Variants in RPP30 observed in about 807,000 individuals in gnomAD.
The protein encoded by RPP30 is ribonuclease P protein subunit p30.
A neutral mutation model predicts 38.6 loss-of-function variants in RPP30; 36 were observed. The ratio of observed to expected loss-of-function variants is 0.93; its 90% CI spans 0.71 to 1.23. The LOEUF is 1.23. Ranked by LOEUF, RPP30 falls within the 50% of genes most tolerant of loss-of-function variation. The pLI, the probability that RPP30 is intolerant of heterozygous loss-of-function variation, is 0.00. For missense variants in RPP30, 321 were observed against 321.7 expected (o/e 1.00, Z 0.02); for synonymous variants, 126 against 112.7 (o/e 1.12, Z -0.75).
chr10:90,897,031 A>AG (rs1176451876), intron 10 of RPP30, among the ~76,000 whole-genome samples: 1 of 152,176 alleles, frequency 6.6e-6, no homozygotes, highest in Non-Finnish European at 1.5e-5. Context: ...CTAGGATTAC[A>AG]GACATGAGCC....
chr10:90,875,419 T>C (rs1846837977), intron 2 of RPP30, 139 bp from the exon 3 acceptor site: 2 of 657,972 alleles, frequency 3.0e-6, no homozygotes, highest in South Asian at 4.1e-5. Context: ...TTTTAAAAGT[T>C]TTTTTGAATA....
At position 90,894,895 on chromosome 10, in the gene RPP30, T is replaced by C. The variant is rs750228280; in HGVS notation, c.549+4T>C. 3 of 1,578,110 alleles carry C rather than the reference T, an allele frequency of 1.9e-6. No individual in the cohort carries two copies. Among genetic ancestry groups the C allele is most frequent in the Non-Finnish European group, 1.7e-6 (2 of 1,147,486 alleles). On this transcript the variant is annotated splice_donor_region_variant and intron_variant, in intron 7 of 10. Transcript: ENST00000371703. ...GATGCAAATCTGCAAAGGAAAGGTA[T>C]GGTTCTATAATTTTAGGATGTTTTT...
chr10:90,904,115 G>C (rs1847229625), downstream of RPP30, among the ~76,000 whole-genome samples: 1 of 152,170 alleles, frequency 6.6e-6, no homozygotes, highest in Non-Finnish European at 1.5e-5. Flanking sequence ...CCTAATGGGA[G>C]GGACTTACAA....
chr10:90,902,927 G>A (rs570375444), downstream of RPP30, among the ~76,000 whole-genome samples: 1 of 152,238 alleles, frequency 6.6e-6, no homozygotes, highest in Admixed American at 6.5e-5. Flanking sequence ...AGTCAGCTGT[G>A]TTTATTCACA....
intron 5 of RPP30, chr10:90,880,275 G>C (rs535713053): frequency 6.6e-6 from 1 of 151,870 alleles, no homozygotes; most frequent in South Asian, 2.1e-4. Context: ...GATGTATCCA[G>C]TAGATGGAGC....
chr10:90,897,012 C>T (rs1358017761), intron 10 of RPP30, among the ~76,000 whole-genome samples: 2 of 152,120 alleles, frequency 1.3e-5, no homozygotes, highest in African/African-American at 4.8e-5. Context: ...ACCTCAGCCT[C>T]CCAAAGTGCT....
At chr10:90,883,756 A>G (rs1846962769) in intron 5 of RPP30, among the ~76,000 whole-genome samples, 1 of 152,194 alleles carries the variant, frequency 6.6e-6, no homozygotes, top group Non-Finnish European at 1.5e-5. Context: ...GCTTTTAAAG[A>G]ATTAATCACC....
intron 1 of RPP30, among the ~76,000 whole-genome samples, chr10:90,874,637 A>G (rs1004118738): frequency 1.3e-5 from 2 of 152,218 alleles, no homozygotes; most frequent in African/African-American, 2.4e-5. Context: ...GTGTATGAAG[A>G]AAGTGTTGTT....
At chr10:90,899,530 G>A (rs1427926640) in intron 10 of RPP30, among the ~76,000 whole-genome samples, 1 of 152,102 alleles carries the variant, frequency 6.6e-6, no homozygotes, top group African/African-American at 2.4e-5. Context: ...GACAGAGTTT[G>A]GGTCTGTTTT....
chr10:90,878,025 A>G (rs995736747), intron 4 of RPP30, among the ~76,000 whole-genome samples: 1 of 152,254 alleles, frequency 6.6e-6, no homozygotes, highest in Non-Finnish European at 1.5e-5. Context: ...CACACCTGCA[A>G]GGCAGCATTC....
chr10:90,900,421 G>T, intron 10 of RPP30, 149 bp from the exon 11 acceptor site: 1 of 700,900 alleles, frequency 1.4e-6, no homozygotes, highest in Non-Finnish European at 2.3e-6. Context: ...GGGAAAAAAA[G>T]ATAATGACGG....
intron 1 of RPP30, among the ~76,000 whole-genome samples, chr10:90,874,034 A>G (rs1413934578): frequency 6.6e-6 from 1 of 152,172 alleles, no homozygotes; most frequent in Non-Finnish European, 1.5e-5. Context: ...TATGCTCAAC[A>G]CCAGTTTAGG....
chr10:90,873,922 G>A (rs1444623834), intron 1 of RPP30, among the ~76,000 whole-genome samples: 1 of 152,144 alleles, frequency 6.6e-6, no homozygotes, highest in African/African-American at 2.4e-5. Flanking sequence ...TAAAAAACAT[G>A]TATTTATATA....
At chr10:90,872,108 A>C in intron 1 of RPP30, 40 bp downstream of exon 1, 2 of 1,536,396 alleles carry the variant, frequency 1.3e-6, no homozygotes, top group Non-Finnish European at 1.8e-6. Context: ...ACCTCATGCC[A>C]CCCAGACCAT....
At chr10:90,877,773 C>T (rs994182205) in intron 4 of RPP30, among the ~76,000 whole-genome samples, 2 of 152,036 alleles carry the variant, frequency 1.3e-5, no homozygotes, top group South Asian at 2.1e-4. Context: ...GAATGGGAGG[C>T]GTAGGGTGGT....
intron 9 of RPP30, among the ~76,000 whole-genome samples, 188 bp from the exon 10 acceptor site, chr10:90,896,125 A>G (rs1847136331): frequency 6.6e-6 from 1 of 152,224 alleles, no homozygotes; most frequent in African/African-American, 2.4e-5. Flanking sequence ...GGAATGAGGG[A>G]CTTCATATGA....
chr10:90,875,037 G>A (rs1846833344), intron 2 of RPP30, 113 bp downstream of exon 2: 3 of 559,650 alleles, frequency 5.4e-6, no homozygotes, highest in Non-Finnish European at 6.2e-6. Flanking sequence ...ACCCCTTTGT[G>A]CACTACTACT....
chr10:90,880,600 C>G (rs1204963256), intron 5 of RPP30, among the ~76,000 whole-genome samples: 1 of 152,034 alleles, frequency 6.6e-6, no homozygotes, highest in Non-Finnish European at 1.5e-5. Flanking sequence ...TGGTGGCACG[C>G]TCGCAGCTAC....
At chr10:90,889,838 A>T (rs1261942015) in intron 6 of RPP30, among the ~76,000 whole-genome samples, 1 of 152,126 alleles carries the variant, frequency 6.6e-6, no homozygotes, top group East Asian at 1.9e-4. Flanking sequence ...AATTTCAATT[A>T]TGCAATTTCC....
Sources: allele counts gnomAD v4.1 joint callset (sites outside exome capture counted in the v4.1 genomes callset), GRCh38; gene constraint gnomAD v4.1.1; transcripts MANE v1.5; gene names NCBI Gene and HGNC (gene_info 2026-07-23, HGNC 2026-07-21).